The following GSE1 variants were observed in gnomAD, a reference collection of about 807,000 sequenced individuals.
GSE1 encodes genetic suppressor element 1.
In GSE1, 32 loss-of-function variants were observed where a neutral mutation model predicts 112.6. The ratio of observed to expected loss-of-function variants is 0.28; its 90% CI spans 0.21 to 0.38. GSE1 has a LOEUF of 0.38. Ranked by LOEUF, GSE1 falls within the 10% of genes least tolerant of loss-of-function variation. The pLI is 1.00. For synonymous variants in GSE1, 1,115 were observed against 735.6 expected (o/e 1.52, Z -8.35); for missense variants, 2,348 against 1,699.2 (o/e 1.38, Z -6.71).
chr16:85,636,415 T>C (rs1024035222), intron 2 of GSE1, among the ~76,000 whole-genome samples: 1 of 152,088 alleles, frequency 6.6e-6, no homozygotes, highest in Non-Finnish European at 1.5e-5. Flanking sequence ...TTTTGATGAA[T>C]CTCCAGCTGG....
chr16:85,188,930 A>T (rs1313922751), intron 1 of GSE1, among the ~76,000 whole-genome samples: 1 of 152,168 alleles, frequency 6.6e-6, no homozygotes, highest in East Asian at 1.9e-4. Context: ...TCTGGTGCAT[A>T]TGTGCATTTT....
chr16:85,487,844 C>T (rs2050891039), intron 2 of GSE1, among the ~76,000 whole-genome samples: 2 of 152,206 alleles, frequency 1.3e-5, no homozygotes, highest in Non-Finnish European at 2.9e-5. Flanking sequence ...GCCCTTTCCG[C>T]CTCAGTTGGT....
At chr16:85,372,103 T>TA (rs2047313637) in intron 2 of GSE1, among the ~76,000 whole-genome samples, 1 of 152,128 alleles carries the variant, frequency 6.6e-6, no homozygotes, top group African/African-American at 2.4e-5. Context: ...ACCCTCCCCT[T>TA]CCTCCATCAT....
In GSE1 at chr16:85,419,918, T is replaced by C. The variant is rs78399638; in HGVS notation, c.2464+62275T>C. 0.053 allele frequency among the ~76,000 whole-genome samples: 8,095 copies of C among 152,198 alleles called. 704 individuals carry two copies. Among genetic ancestry groups the C allele is most frequent in the African/African-American group, 0.18 (7,673 of 41,488 alleles). On this transcript the variant is annotated intron_variant, in intron 2 of 2. Transcript: ENST00000637419. The surrounding 1 kb of genome is among the most constrained non-coding windows in gnomAD (Gnocchi z 6.5). ...CGGGGGGACTGGGCTGGAACAGAAC[T>C]GAGGGACAGCAGGGGCAAAGTCTGA...
At chr16:85,170,466 G>C (rs1371381137) in exon 1 of GSE1, 3 of 985,488 alleles carry the variant, frequency 3.0e-6, no homozygotes, top group Non-Finnish European at 3.6e-6. Context: ...AGACCCTACG[G>C]GGCTTCTGCA....
rs527293638 is a variant in GSE1, at chr16:85,666,560, G to A, written c.3130+213G>A. 298 of 592,172 alleles carry A rather than the reference G, an allele frequency of 5.0e-4. 1 individual carries two copies. In the South Asian group the frequency reaches 5.7e-3, roughly 11 times the overall value. 36.7% of individuals were successfully genotyped at this position (592,172 alleles called of 1,614,324 possible). A position where few individuals can be genotyped will look rare whatever the true frequency, so the allele number is the denominator to read the frequency against. On this transcript the variant is annotated intron_variant, in intron 13 of 15. Transcript: ENST00000253458. ...CTGAACTCGTAGGTGAGAAACGTTTGTAGGCACCAGCGCTGACGCTGTGCT... is the reference window on the plus strand; with the variant it reads ...CTGAACTCGTAGGTGAGAAACGTTTATAGGCACCAGCGCTGACGCTGTGCT...
intron 1 of GSE1, among the ~76,000 whole-genome samples, chr16:85,573,188 G>T (rs1246968379): frequency 8.5e-5 from 13 of 152,154 alleles, no homozygotes; most frequent in Admixed American, 5.9e-4. Context: ...TTTAAAGGAT[G>T]AAGTCTTGCT....
chr16:85,252,087 C>G (rs1207893742), intron 1 of GSE1, among the ~76,000 whole-genome samples: 1 of 152,188 alleles, frequency 6.6e-6, no homozygotes, highest in Non-Finnish European at 1.5e-5. Context: ...CTCCGGAGAC[C>G]CAGGGCTGAC....
intron 2 of GSE1, among the ~76,000 whole-genome samples, chr16:85,396,732 C>T (rs1051163585): frequency 6.6e-6 from 1 of 152,244 alleles, no homozygotes; most frequent in Admixed American, 6.5e-5. Flanking sequence ...GCCACAGGCC[C>T]CCGTGGGGAC....
At chr16:85,354,087 G>C (rs1471399296) in intron 1 of GSE1, among the ~76,000 whole-genome samples, 2 of 152,140 alleles carry the variant, frequency 1.3e-5, no homozygotes, top group Non-Finnish European at 2.9e-5. Flanking sequence ...TCACATTCCA[G>C]CTGCTCCAGG....
intron 2 of GSE1, among the ~76,000 whole-genome samples, chr16:85,420,048 A>G (rs60895208): frequency 0.078 from 11,842 of 152,180 alleles, 1,526 homozygotes; most frequent in African/African-American, 0.27. Flanking sequence ...TCCCTGCCCT[A>G]AAGTGTCTAG....
intron 1 of GSE1, among the ~76,000 whole-genome samples, chr16:85,289,210 C>T (rs1369540102): frequency 2.0e-5 from 3 of 152,166 alleles, no homozygotes; most frequent in Admixed American, 6.5e-5. Flanking sequence ...ATGGGAGGGT[C>T]CCTGGAGTCC....
intron 1 of GSE1, among the ~76,000 whole-genome samples, chr16:85,605,333 A>C (rs1466609844): frequency 6.6e-6 from 1 of 151,970 alleles, no homozygotes; most frequent in Non-Finnish European, 1.5e-5. Flanking sequence ...CTCTAGGCCC[A>C]ATGTCCCAGG....
At chr16:85,559,405 G>T (rs1433356763) in intron 1 of GSE1, among the ~76,000 whole-genome samples, 2 of 152,206 alleles carry the variant, frequency 1.3e-5, no homozygotes, top group Admixed American at 6.5e-5. Flanking sequence ...GGCTTGCTTC[G>T]GGCCTGTGGT....
intron 1 of GSE1, among the ~76,000 whole-genome samples, chr16:85,251,483 C>T (rs899953106): frequency 5.3e-5 from 8 of 152,248 alleles, no homozygotes; most frequent in South Asian, 2.1e-4. Context: ...GGAAACAGGC[C>T]GGAGGTCATC....
chr16:85,671,115 TGGAA>T lies in GSE1; in HGVS notation c.3519+18_3519+21del. On this transcript the variant is annotated intron_variant, in intron 15 of 15. Transcript: ENST00000253458. ...AGCGTGGCGGTGAGTTGGGAAGGGA[TGGAA>T]ACCTTCAAACACGCAACCTTTTGAG... 6.9e-7 allele frequency: 1 copy of T among 1,452,892 alleles called. No individual in the cohort carries two copies. Among genetic ancestry groups the T allele is most frequent in the Non-Finnish European group, 9.7e-7 (1 of 1,035,250 alleles). 90.0% of individuals were successfully genotyped at this position (1,452,892 alleles called of 1,614,324 possible).
chr16:85,571,796 G>A (rs1351418979), intron 1 of GSE1, among the ~76,000 whole-genome samples: 2 of 152,140 alleles, frequency 1.3e-5, no homozygotes, highest in South Asian at 2.1e-4. Context: ...GGTCCCTGTC[G>A]GTGGCCAGGC....
chr16:85,453,785 C>G (rs1050902835), intron 2 of GSE1, among the ~76,000 whole-genome samples: 2 of 152,210 alleles, frequency 1.3e-5, no homozygotes, highest in African/African-American at 4.8e-5. Flanking sequence ...CGCACCCCAT[C>G]CAGCTCTGGG....
intron 1 of GSE1, among the ~76,000 whole-genome samples, chr16:85,615,407 T>G (rs2151580717): frequency 6.6e-6 from 1 of 152,282 alleles, no homozygotes; most frequent in East Asian, 1.9e-4. Context: ...CCTGATCTCC[T>G]GCGGGCCGGG....
Sources: allele counts gnomAD v4.1 joint callset (sites outside exome capture counted in the v4.1 genomes callset), GRCh38; gene constraint gnomAD v4.1.1; non-coding constraint Gnocchi (gnomAD v3.1); transcripts MANE v1.5; gene names NCBI Gene and HGNC (gene_info 2026-07-23, HGNC 2026-07-21).